ERCC8: variants seen among roughly 807,000 people sequenced by gnomAD.
ERCC8 encodes the protein ERCC excision repair 8, CSA ubiquitin ligase complex subunit.
A neutral mutation model predicts 54.9 loss-of-function variants in ERCC8; 52 were observed. The observed-to-expected ratio is 0.95, with a 90% CI of 0.76 to 1.19. ERCC8 has a LOEUF of 1.19. ERCC8 is among the 50% of genes most tolerant of loss of function. The pLI, the probability that ERCC8 is intolerant of heterozygous loss-of-function variation, is 0.00. For synonymous variants in ERCC8, 146 were observed against 157.2 expected, an observed-to-expected ratio of 0.93 and a Z score of 0.53; for missense variants, 514 against 466.1, an observed-to-expected ratio of 1.10 and a Z score of -0.95.
intron 10 of ERCC8, among the ~76,000 whole-genome samples, chr5:60,889,297 AATTT>A (rs1748480692): frequency 6.6e-6 from 1 of 152,172 alleles, no homozygotes; most frequent in Admixed American, 6.5e-5. Flanking sequence ...TCAAATTTTC[AATTT>A]ATTAATTTAC....
At chr5:60,935,462 T>C (rs1363011871) in intron 1 of ERCC8, among the ~76,000 whole-genome samples, 2 of 152,302 alleles carry the variant, frequency 1.3e-5, no homozygotes, top group Middle Eastern at 3.4e-3. Flanking sequence ...TTTCTAGGTA[T>C]ACAATCATGT....
chr5:60,874,700 T>C lies in ERCC8; in HGVS notation c.1123-17A>G, dbSNP rs1196648062. On this transcript the variant is annotated splice_polypyrimidine_tract_variant and intron_variant, in intron 11 of 11. Coordinates refer to ENST00000676185, the MANE Select transcript of ERCC8 (RefSeq NM_000082.4). ...TGTTGTAGTCTAAAAAAAAAAAAGATAAAGAAAAAGGAAGATTCTGTTTTT... is the reference window on the plus strand; with the variant it reads ...TGTTGTAGTCTAAAAAAAAAAAAGACAAAGAAAAAGGAAGATTCTGTTTTT... 6 of 1,567,184 alleles carry C rather than the reference T, an allele frequency of 3.8e-6. No individual in the cohort carries two copies. Among genetic ancestry groups the C allele is most frequent in the South Asian group, 3.5e-5 (3 of 85,126 alleles).
At position 60,867,411 on chromosome 5, in the gene ERCC8, C is replaced by G. The variant is rs1183074755; in HGVS notation, c.*7204G>C. On this transcript the variant is annotated 3_prime_UTR_variant, in exon 12 of 12. Coordinates refer to ENST00000676185, the MANE Select transcript of ERCC8 (RefSeq NM_000082.4). ...CTGGGTTTACAGGTGTGAGCCACTG[C>G]GCCTGGCCTTATTTCTTTATAAAGC... 6.6e-6 allele frequency among the ~76,000 whole-genome samples: 1 copy of G among 152,040 alleles called. No homozygotes were observed. The highest frequency in any genetic ancestry group is 2.4e-5 in the African/African-American group (1 of 41,406).
chr5:60,908,314 A>T (rs1749139339), intron 4 of ERCC8, among the ~76,000 whole-genome samples: 1 of 151,778 alleles, frequency 6.6e-6, no homozygotes, highest in Non-Finnish European at 1.5e-5. Flanking sequence ...GAACTTCTGG[A>T]TTAGGGACAC....
At position 60,899,645 on chromosome 5, in the gene ERCC8, A is replaced by T. The variant is rs760649059; in HGVS notation, c.700T>A (p.Ser234Thr). The stretch of plus-strand genomic sequence containing the variant: ...TCCTTACCTGATTCAACAGCTTGTG[A>T]CTTTTTCCCATTATGTTGATCAAGA... Reference protein sequence around the residue: ...ITLDQHNGKKSQAVESANTAH... With the variant: ...ITLDQHNGKKTQAVESANTAH... Residue 234 changes from serine (S) to threonine (T), a missense_variant, in exon 8 of 12, where the codon TCA becomes ACA. Physicochemically the swap from Ser to Thr is moderately conservative, Grantham distance 58. Transcript: ENST00000676185. The T allele has an allele frequency of 6.2e-7, 1 of 1,610,746 alleles. No individual in the cohort carries two copies. Among genetic ancestry groups the T allele is most frequent in the Non-Finnish European group, 8.5e-7 (1 of 1,177,454 alleles).
chr5:60,879,425 G>C (rs1748129547), intron 11 of ERCC8, among the ~76,000 whole-genome samples: 1 of 152,172 alleles, frequency 6.6e-6, no homozygotes, highest in Non-Finnish European at 1.5e-5. Context: ...GGATATCCTT[G>C]TTAACTTTCT....
At chr5:60,914,725 T>A (rs1378580708) in intron 4 of ERCC8, among the ~76,000 whole-genome samples, 1 of 149,866 alleles carries the variant, frequency 6.7e-6, no homozygotes, top group African/African-American at 2.5e-5. Flanking sequence ...AGTTTGAGGT[T>A]ATAGTGAGTT....
chr5:60,929,100 T>C, intron 1 of ERCC8, 141 bp from the exon 2 acceptor site: 1 of 601,838 alleles, frequency 1.7e-6, no homozygotes, highest in Non-Finnish European at 3.0e-6. Flanking sequence ...ATTTATAGAT[T>C]TTTAGACATC....
At chr5:60,882,963 C>T (rs1471226085) in intron 11 of ERCC8, among the ~76,000 whole-genome samples, 1 of 140,512 alleles carries the variant, frequency 7.1e-6, no homozygotes, top group African/African-American at 3.0e-5. Context: ...AAAAATAGCC[C>T]TGGGAAAACA....
chr5:60,914,593 C>T (rs1488195422), intron 4 of ERCC8, among the ~76,000 whole-genome samples: 3 of 151,580 alleles, frequency 2.0e-5, no homozygotes, highest in Non-Finnish European at 4.4e-5. Flanking sequence ...ATTTTGACAC[C>T]AGCCTGGGCA....
chr5:60,882,591 A>T (rs1185446274), intron 11 of ERCC8, among the ~76,000 whole-genome samples: 2 of 151,716 alleles, frequency 1.3e-5, no homozygotes, highest in African/African-American at 4.8e-5. Context: ...GTTTCACCAT[A>T]TTGGCTAGGC....
chr5:60,876,950 T>C (rs1748029905), intron 11 of ERCC8, among the ~76,000 whole-genome samples: 1 of 152,194 alleles, frequency 6.6e-6, no homozygotes, highest in African/African-American at 2.4e-5. Context: ...CATGAAGTCC[T>C]TGCCCATGCC....
rs770326126 is a variant in ERCC8 at position 60,944,989 on chromosome 5, G to A, written c.20C>T (p.Ala7Val). 6.2e-7 allele frequency: 1 copy of A among 1,614,084 alleles called. No homozygotes were observed. Among genetic ancestry groups the A allele is most frequent in the Non-Finnish European group, 8.5e-7 (1 of 1,179,940 alleles). MLGFLSARQTGLEDPLR... is the reference protein window; with the variant it reads MLGFLSVRQTGLEDPLR... Reference sequence around the variant, plus strand: ...AGGGTCCTCCAAACCCGTTTGGCGTGCGGACAAAAACCCCAGCATATCGTG... The same window carrying A: ...AGGGTCCTCCAAACCCGTTTGGCGTACGGACAAAAACCCCAGCATATCGTG... Residue 7 changes from alanine to valine, a missense_variant, in exon 1 of 12, where the codon GCA becomes GTA. Physicochemically the swap from Ala to Val is moderately conservative, Grantham distance 64. Transcript: ENST00000676185.
In ERCC8 at chr5:60,874,273, G is replaced by C. The variant is rs925588173; in HGVS notation, c.*342C>G. The C allele has an allele frequency of 3.8e-5, 8 of 209,190 alleles. No homozygotes were observed. The highest frequency in any genetic ancestry group is 7.6e-5 in the Non-Finnish European group (8 of 105,404). The allele number at this position is 209,190 out of a possible 1,614,324, so 13.0% of individuals were successfully genotyped here. On this transcript the variant is annotated 3_prime_UTR_variant, in exon 12 of 12. Transcript: ENST00000676185. ...CAGCAAGTAAGAGAAAGTCAATACT[G>C]ATGGCCTCCACTTGCTGATCCTCTG...
At chr5:60,876,977 A>T (rs1388979557) in intron 11 of ERCC8, among the ~76,000 whole-genome samples, 3 of 152,002 alleles carry the variant, frequency 2.0e-5, no homozygotes, top group Admixed American at 6.6e-5. Context: ...CTGAATGGTA[A>T]TGCCTAGGTT....
At chr5:60,923,320 T>C (rs1277247785) in intron 2 of ERCC8, among the ~76,000 whole-genome samples, 1 of 152,178 alleles carries the variant, frequency 6.6e-6, no homozygotes, top group East Asian at 1.9e-4. Flanking sequence ...AAATCATTCT[T>C]GGTACTTCAT....
Position 60,872,851 on chromosome 5 carries a change from A to G in ERCC8, c.*1764T>C, listed in dbSNP as rs567241188. ...GATATGAAATCAGTATGTCAAAGAG[A>G]TATCTGCACTACCAGGTTCACTGCA... is the stretch of plus-strand genomic sequence containing the variant. On this transcript the variant is annotated 3_prime_UTR_variant, in exon 12 of 12. Coordinates refer to ENST00000676185, the MANE Select transcript of ERCC8 (RefSeq NM_000082.4). Among the ~76,000 whole-genome samples the G allele has an allele frequency of 6.6e-5, 10 of 152,336 alleles. No individual in the cohort carries two copies. Among genetic ancestry groups the G allele is most frequent in the Admixed American group, 2.0e-4 (3 of 15,302 alleles).
At chr5:60,895,073 A>G (rs1184155432) in intron 9 of ERCC8, among the ~76,000 whole-genome samples, 1 of 150,422 alleles carries the variant, frequency 6.6e-6, no homozygotes, top group Non-Finnish European at 1.5e-5. Flanking sequence ...CAGGAGGCTG[A>G]GAGAGAGAAT....
chr5:60,901,248 C>T (rs1748896113), intron 7 of ERCC8, among the ~76,000 whole-genome samples: 1 of 152,072 alleles, frequency 6.6e-6, no homozygotes, highest in East Asian at 1.9e-4. Context: ...ATCCCTCCTA[C>T]AAGCCTTTTT....
Sources: allele counts gnomAD v4.1 joint callset (sites outside exome capture counted in the v4.1 genomes callset), GRCh38; gene constraint gnomAD v4.1.1; transcripts MANE v1.5; gene names NCBI Gene and HGNC (gene_info 2026-07-23, HGNC 2026-07-21).